The following NWD1 variants were observed in gnomAD, a reference collection of about 807,000 sequenced individuals.
NWD1 encodes the protein NACHT and WD repeat domain containing 1, also known as NACHT domain- and WD repeat-containing protein 1.
In NWD1, 129 loss-of-function variants were observed where a neutral mutation model predicts 135.1. The observed-to-expected ratio is 0.96, with a 90% CI of 0.83 to 1.11. The LOEUF (loss-of-function observed/expected upper bound fraction) is 1.11. Among genes scored for constraint, NWD1 ranks in the 50% least tolerant of loss-of-function variants. NWD1 has a pLI of 0.00. For missense variants in NWD1, 1,740 were observed against 1,851.3 expected, an observed-to-expected ratio of 0.94 and a Z score of 1.10; for synonymous variants, 773 against 786.0, an observed-to-expected ratio of 0.98 and a Z score of 0.28.
At chr19:16,743,301 C>T in intron 4 of NWD1, among the ~76,000 whole-genome samples, 1 of 151,992 alleles carries the variant, frequency 6.6e-6, no homozygotes, top group South Asian at 2.1e-4. Context: ...GCCTCGAACT[C>T]CTGAGCTCAA....
intron 14 of NWD1, 67 bp downstream of exon 14, chr19:16,791,689 G>A (rs1460971702): frequency 6.8e-7 from 1 of 1,467,730 alleles, no homozygotes; most frequent in East Asian, 2.3e-5. Flanking sequence ...TGTGCTAGAA[G>A]TTGGGAAAAA....
At chr19:16,780,776 G>A (rs779090515) in intron 12 of NWD1, among the ~76,000 whole-genome samples, 3 of 151,982 alleles carry the variant, frequency 2.0e-5, no homozygotes, top group Non-Finnish European at 4.4e-5. Context: ...TCCCATCTCA[G>A]CCTCTTGAGT....
At chr19:16,731,110 T>G in intron 2 of NWD1, 82 bp from the exon 3 acceptor site, 1 of 712,686 alleles carries the variant, frequency 1.4e-6, no homozygotes, top group Admixed American at 2.8e-5. Flanking sequence ...CAAAAGTAAA[T>G]CAATAAAATA....
intron 18 of NWD1, among the ~76,000 whole-genome samples, chr19:16,809,095 A>C (rs890254555): frequency 6.1e-5 from 9 of 147,118 alleles, no homozygotes; most frequent in Non-Finnish European, 1.1e-4. Flanking sequence ...AAGATAAATA[A>C]TTTTTTTTTT....
chr19:16,761,918 G>T, intron 7 of NWD1, 61 bp from the exon 8 acceptor site: 1 of 1,450,612 alleles, frequency 6.9e-7, no homozygotes, highest in East Asian at 2.3e-5. Flanking sequence ...AGGAAGACAA[G>T]CAGCCACCTT....
chr19:16,811,052 GAC>G (rs750704377), intron 18 of NWD1, among the ~76,000 whole-genome samples: 4 of 152,056 alleles, frequency 2.6e-5, no homozygotes, highest in African/African-American at 4.8e-5. Flanking sequence ...TTTTTGTAGA[GAC>G]AGGGTTTCAC....
At position 16,807,833 on chromosome 19, in the gene NWD1, C is replaced by T. The variant is rs372571278; in HGVS notation, c.3984C>T (p.Thr1328=). The change falls in exon 18 of 19, where the codon ACC becomes ACT. Residue 1328 remains threonine, a synonymous_variant. Transcript: ENST00000524140. Reference sequence around the variant, plus strand: ...ACATCGTCCTGGTGCTGGACATCACCTCCGGGGACCCCTGCCCGGTCATCG... The same window carrying T: ...ACATCGTCCTGGTGCTGGACATCACTTCCGGGGACCCCTGCCCGGTCATCG... ...YDNIVLVLDI[T]SGDPCPVIDG... 9 of 1,614,050 alleles carry T rather than the reference C, an allele frequency of 5.6e-6. No individual in the cohort carries two copies. The highest frequency in any genetic ancestry group is 6.8e-6 in the Non-Finnish European group (8 of 1,180,040).
intron 11 of NWD1, 85 bp from the exon 12 acceptor site, chr19:16,779,258 A>T (rs777203271): frequency 1.0e-4 from 150 of 1,477,180 alleles, no homozygotes; most frequent in Non-Finnish European, 1.3e-4. Flanking sequence ...TTATCTGTGA[A>T]GTGGGGGGCT....
chr19:16,765,744 C>T (rs1338744185), intron 10 of NWD1, among the ~76,000 whole-genome samples: 4 of 152,176 alleles, frequency 2.6e-5, no homozygotes, highest in African/African-American at 7.2e-5. Context: ...TAGGGCTGGG[C>T]GCAGTGGCTC....
chr19:16,772,607 T>C (rs891870282), intron 10 of NWD1, among the ~76,000 whole-genome samples: 1 of 151,966 alleles, frequency 6.6e-6, no homozygotes, highest in African/African-American at 2.4e-5. Flanking sequence ...GATCGCACCA[T>C]TGCACTCCAA....
rs766403838 is a variant in NWD1, at chr19:16,750,229, G to A, written c.1587G>A (p.Glu529=). 6.2e-7 allele frequency: 1 copy of A among 1,613,514 alleles called. No individual in the cohort carries two copies. The highest frequency in any genetic ancestry group is 1.3e-5 in the African/African-American group (1 of 74,926). ...ATTTGCTCTGGGCCAGCCTCCCAGA[G>A]TGTGGGAACCCAGGGCGGCTGAGGC... ...HTDLLWASLP[E]CGNPGRLRLA... is the part of the protein sequence containing the mutation. Residue 529 remains glutamate, a synonymous_variant, in exon 6 of 19, where the codon GAG becomes GAA. Coordinates refer to ENST00000524140, the MANE Select transcript of NWD1 (RefSeq NM_001007525.5).
intron 17 of NWD1, among the ~76,000 whole-genome samples, chr19:16,801,249 A>C (rs1970594006): frequency 6.6e-6 from 1 of 152,102 alleles, no homozygotes; most frequent in African/African-American, 2.4e-5. Context: ...ATTGCACTCC[A>C]GCCTGGGCAA....
At chr19:16,784,486 G>A (rs537371993) in intron 12 of NWD1, among the ~76,000 whole-genome samples, 37 of 152,170 alleles carry the variant, frequency 2.4e-4, no homozygotes, top group African/African-American at 7.7e-4. Flanking sequence ...TTTGGTATCC[G>A]CAGGGGTGAA....
In NWD1 at chr19:16,749,316, G is replaced by A; in HGVS notation, c.674G>A (p.Ser225Asn). 6.2e-7 allele frequency: 1 copy of A among 1,613,974 alleles called. No individual in the cohort carries two copies. Among genetic ancestry groups the A allele is most frequent in the Non-Finnish European group, 8.5e-7 (1 of 1,180,000 alleles). ...CLDADAQNLLSSLKSHITDMH... is the reference protein window; with the variant it reads ...CLDADAQNLLNSLKSHITDMH... ...GACGCTGATGCCCAGAACCTTCTCA[G>A]CAGCCTCAAAAGTCACATCACTGAC... is the stretch of plus-strand genomic sequence containing the variant. Residue 225 changes from serine to asparagine, a missense_variant, in exon 6 of 19, where the codon AGC (serine) becomes AAC (asparagine). By Grantham distance (46) the Ser-to-Asn change is conservative. Coordinates refer to ENST00000524140, the MANE Select transcript of NWD1 (RefSeq NM_001007525.5).
intron 4 of NWD1, among the ~76,000 whole-genome samples, chr19:16,738,751 T>TATATATA (rs1220591780): frequency 1.7e-4 from 22 of 132,996 alleles, no homozygotes; most frequent in African/African-American, 5.4e-4. Context: ...ATATATATTA[T>TATATATA]ATATATATAA....
intron 2 of NWD1, 48 bp from the exon 3 acceptor site, chr19:16,731,144 A>T: frequency 1.1e-6 from 1 of 932,018 alleles, no homozygotes; most frequent in Non-Finnish European, 1.6e-6. Context: ...GAGGCTGGGA[A>T]GAGTTCTGAG....
intron 17 of NWD1, among the ~76,000 whole-genome samples, 153 bp downstream of exon 17, chr19:16,800,315 C>T (rs1266105105): frequency 6.6e-6 from 1 of 152,196 alleles, no homozygotes; most frequent in Non-Finnish European, 1.5e-5. Flanking sequence ...GGGTGGATCA[C>T]CTGAGGTCAG....
intron 18 of NWD1, among the ~76,000 whole-genome samples, chr19:16,808,859 G>A (rs1970836016): frequency 6.6e-6 from 1 of 152,032 alleles, no homozygotes; most frequent in Non-Finnish European, 1.5e-5. Flanking sequence ...CCAGGAAGGA[G>A]GATCACTTGA....
intron 6 of NWD1, among the ~76,000 whole-genome samples, chr19:16,759,023 A>T (rs1017066454): frequency 4.0e-5 from 6 of 148,576 alleles, no homozygotes; most frequent in Non-Finnish European, 8.8e-5. Context: ...AAAAAAAAAA[A>T]AAAAAAAATC....
Sources: gnomAD v4.1 joint callset for allele counts (sites outside exome capture counted in the v4.1 genomes callset) on GRCh38, gnomAD v4.1.1 for gene constraint, MANE v1.5 for transcripts, NCBI Gene and HGNC (gene_info 2026-07-23, HGNC 2026-07-21) for gene names.